The following CCDC102B variants were observed in gnomAD, a reference collection of about 807,000 sequenced individuals.
CCDC102B encodes coiled-coil domain containing 102B, also known as coiled-coil domain-containing protein 102B.
Under a neutral mutation model 57.4 loss-of-function variants are expected in CCDC102B, and 75 were observed. That is an observed-to-expected ratio of 1.31 (90% CI 1.08 to 1.58). The LOEUF (loss-of-function observed/expected upper bound fraction) is 1.58. Among genes scored for constraint, CCDC102B ranks in the 40% most tolerant of loss-of-function variants. The probability of loss-of-function intolerance (pLI) is 0.00; values close to 1 mark genes in which losing one functional copy is unlikely to be tolerated. For synonymous variants in CCDC102B, 206 were observed against 201.9 expected, an observed-to-expected ratio of 1.02 and a Z score of -0.17; for missense variants, 636 against 582.6, an observed-to-expected ratio of 1.09 and a Z score of -0.94.
intron 1 of CCDC102B, among the ~76,000 whole-genome samples, chr18:68,823,609 T>C (rs2036783545): frequency 6.6e-6 from 1 of 152,212 alleles, no homozygotes; most frequent in Non-Finnish European, 1.5e-5. Flanking sequence ...AGCCCTGTTT[T>C]AAGTTCTTTA....
intron 1 of CCDC102B, among the ~76,000 whole-genome samples, chr18:68,808,009 CT>C (rs887694158): frequency 6.6e-5 from 10 of 152,096 alleles, no homozygotes; most frequent in Non-Finnish European, 8.8e-5. Context: ...CAAAAGCTAA[CT>C]TTTTTTTCTT....
intron 6 of CCDC102B, among the ~76,000 whole-genome samples, chr18:68,911,519 G>T (rs557448030): frequency 6.6e-6 from 1 of 151,582 alleles, no homozygotes; most frequent in Non-Finnish European, 1.5e-5. Context: ...TTGGGAGGCC[G>T]AGGCGGGCGG....
intron 6 of CCDC102B, among the ~76,000 whole-genome samples, chr18:68,945,495 T>G (rs928113075): frequency 6.6e-6 from 1 of 152,116 alleles, no homozygotes; most frequent in Non-Finnish European, 1.5e-5. Flanking sequence ...ACTGAAAATT[T>G]TATTCATGTA....
intron 7 of CCDC102B, among the ~76,000 whole-genome samples, chr18:69,029,355 C>A (rs1472799687): frequency 6.6e-6 from 1 of 152,202 alleles, no homozygotes; most frequent in Non-Finnish European, 1.5e-5. Flanking sequence ...TGGACGGCAG[C>A]AATCCATGCT....
At chr18:68,784,817 C>A in intron 2 of CCDC102B, among the ~76,000 whole-genome samples, 1 of 151,282 alleles carries the variant, frequency 6.6e-6, no homozygotes, top group Non-Finnish European at 1.5e-5. Context: ...ATGCTATCAG[C>A]ATTACTGTTT....
upstream of CCDC102B, among the ~76,000 whole-genome samples, chr18:68,797,287 A>T (rs989024178): frequency 2.6e-5 from 4 of 152,152 alleles, no homozygotes; most frequent in African/African-American, 9.7e-5. Flanking sequence ...TATTGCCTAA[A>T]TTTCAAATGT....
Position 68,812,501 on chromosome 18 carries a change from A to G in CCDC102B, c.-16+14320A>G, listed in dbSNP as rs150605602. Among the ~76,000 whole-genome samples, 1,160 of 152,310 alleles carry G rather than the reference A, an allele frequency of 7.6e-3. 9 individuals carry two copies. Among genetic ancestry groups the G allele is most frequent in the Non-Finnish European group, 8.9e-3 (604 of 68,020 alleles). ...TCGTGGTTCACTTTAAGTAATAGAAAAGCATTTTAAAGAACAACATAGCAG... is the reference window on the plus strand; with the variant it reads ...TCGTGGTTCACTTTAAGTAATAGAAGAGCATTTTAAAGAACAACATAGCAG... On this transcript the variant is annotated intron_variant, in intron 1 of 7. Transcript: ENST00000360242.
intron 5 of CCDC102B, among the ~76,000 whole-genome samples, chr18:68,883,353 G>A (rs769558681): frequency 2.7e-4 from 41 of 151,900 alleles, no homozygotes; most frequent in Middle Eastern, 3.4e-3. Flanking sequence ...AGAGGTTGCA[G>A]TGAGCCGAGA....
intron 4 of CCDC102B, among the ~76,000 whole-genome samples, chr18:68,868,160 A>G (rs550853502): frequency 4.6e-5 from 7 of 152,152 alleles, no homozygotes; most frequent in Non-Finnish European, 1.0e-4. Flanking sequence ...TCATTTTATA[A>G]AAAGTAAATA....
chr18:68,968,925 A>G (rs537335493), intron 6 of CCDC102B, among the ~76,000 whole-genome samples: 1 of 152,312 alleles, frequency 6.6e-6, no homozygotes, highest in South Asian at 2.1e-4. Flanking sequence ...ACATATGTCA[A>G]AAATCACCAA....
chr18:68,852,818 C>A (rs1012743604), intron 4 of CCDC102B, among the ~76,000 whole-genome samples: 2 of 152,052 alleles, frequency 1.3e-5, no homozygotes, highest in Non-Finnish European at 2.9e-5. Flanking sequence ...TTGAACGAAA[C>A]GATTTTTGAT....
intron 6 of CCDC102B, among the ~76,000 whole-genome samples, chr18:68,940,103 A>G (rs554383635): frequency 6.6e-6 from 1 of 151,732 alleles, no homozygotes; most frequent in African/African-American, 2.4e-5. Context: ...AGGGCAATAC[A>G]GAAGAAATAT....
intron 5 of CCDC102B, among the ~76,000 whole-genome samples, chr18:68,879,293 G>C (rs2039582870): frequency 6.6e-6 from 1 of 152,186 alleles, no homozygotes; most frequent in African/African-American, 2.4e-5. Flanking sequence ...CATAAAAGCA[G>C]TGTAGACCCA....
intron 6 of CCDC102B, among the ~76,000 whole-genome samples, chr18:68,990,853 A>G (rs746853224): frequency 6.6e-6 from 1 of 152,156 alleles, no homozygotes; most frequent in Non-Finnish European, 1.5e-5. Context: ...AGAGCTGTTA[A>G]TATACTTTGG....
In CCDC102B at chr18:68,838,809, C is replaced by G. The variant is rs75713049; in HGVS notation, c.710C>G (p.Thr237Arg). Residue 237 changes from threonine to arginine, a missense_variant, in exon 3 of 8, where the codon ACG becomes AGG. Transcript: ENST00000360242. ...FNNGGSGNGE[T>R]KTGLRLKAIN... is the part of the protein sequence containing the mutation. ...AATGGTGGTTCTGGAAACGGTGAAA[C>G]GAAAACTGGGCTGAGACTGAAAGCA... The G allele has an allele frequency of 1.7e-3, 2,785 of 1,613,832 alleles. 36 individuals are homozygous for G. In the African/African-American group the frequency reaches 0.033, roughly 19 times the overall value.
rs561500828 is a variant in CCDC102B at position 68,983,920 on chromosome 18, TATC to T, written c.1264-27009_1264-27007del. ...TGATTCTGGAGAATAATACAAAAAATATCATCACAATAACAAAACCAATATAAC... is the reference window on the plus strand; with the variant it reads ...TGATTCTGGAGAATAATACAAAAAATATCACAATAACAAAACCAATATAAC... On this transcript the variant is annotated intron_variant, in intron 6 of 7. Transcript: ENST00000360242. Among the ~76,000 whole-genome samples the T allele has an allele frequency of 1.7e-3, 255 of 152,006 alleles. 1 individual carries two copies. The highest frequency in any genetic ancestry group is 3.4e-3 in the Middle Eastern group (1 of 294).
chr18:68,936,700 A>G (rs2145154918), intron 6 of CCDC102B, among the ~76,000 whole-genome samples: 1 of 151,782 alleles, frequency 6.6e-6, no homozygotes, highest in Non-Finnish European at 1.5e-5. Context: ...CCTGAAAATG[A>G]ATTAATTGTT....
intron 2 of CCDC102B, among the ~76,000 whole-genome samples, chr18:68,737,013 A>G (rs1335873949): frequency 6.6e-6 from 1 of 151,978 alleles, no homozygotes; most frequent in African/African-American, 2.4e-5. Flanking sequence ...AGAGTTGGTT[A>G]AGTCTTGAGC....
chr18:68,813,477 A>G (rs1177008273), intron 1 of CCDC102B, among the ~76,000 whole-genome samples: 2 of 151,878 alleles, frequency 1.3e-5, no homozygotes, highest in Non-Finnish European at 2.9e-5. Context: ...TTAGAGGATG[A>G]AGAGGAAGGG....
Sources: allele counts gnomAD v4.1 joint callset (sites outside exome capture counted in the v4.1 genomes callset), GRCh38; gene constraint gnomAD v4.1.1; transcripts MANE v1.5; gene names NCBI Gene and HGNC (gene_info 2026-07-23, HGNC 2026-07-21).